CHRM3: variants seen among roughly 807,000 people sequenced by gnomAD.
The protein encoded by CHRM3 is muscarinic acetylcholine receptor M3.
In CHRM3, 11 loss-of-function variants were observed where a neutral mutation model predicts 41.8. That is an observed-to-expected ratio of 0.26 (90% CI 0.17 to 0.44). CHRM3 has a LOEUF of 0.44. CHRM3 is among the 20% of genes least tolerant of loss of function. The probability of loss-of-function intolerance (pLI) is 1.00; values close to 1 mark genes in which losing one functional copy is unlikely to be tolerated. For missense variants in CHRM3, 571 were observed against 745.4 expected, an observed-to-expected ratio of 0.77 and a Z score of 2.72; for synonymous variants, 297 against 301.4, an observed-to-expected ratio of 0.99 and a Z score of 0.15.
intron 6 of CHRM3, among the ~76,000 whole-genome samples, chr1:239,864,800 A>C (rs1392267800): frequency 6.6e-6 from 1 of 152,122 alleles, no homozygotes; most frequent in Non-Finnish European, 1.5e-5. Flanking sequence ...TGTGTAAATT[A>C]AACTATTTTG....
At chr1:239,674,553 C>A (rs1044064076) in intron 4 of CHRM3, among the ~76,000 whole-genome samples, 1 of 151,346 alleles carries the variant, frequency 6.6e-6, no homozygotes, top group Non-Finnish European at 1.5e-5. Context: ...ACTGAAAATA[C>A]AAAAAAATTA....
In CHRM3 at chr1:239,473,869, CAA is replaced by C. The variant is rs34470819; in HGVS notation, c.-520-18830_-520-18829del. On this transcript the variant is annotated intron_variant, in intron 1 of 6. Transcript: ENST00000676153. ...GTATACACAGAGTTGTAGTAAATTT[CAA>C]AAAAAAAAATGCCTGAGAAAGGTAA... is the stretch of plus-strand genomic sequence containing the variant. Among the ~76,000 whole-genome samples, 5 of 142,930 alleles carry C rather than the reference CAA, an allele frequency of 3.5e-5. 1 individual carries two copies. The highest frequency in any genetic ancestry group is 1.3e-4 in the African/African-American group (5 of 38,754). 93.8% of individuals were successfully genotyped at this position (142,930 alleles called of 152,430 possible).
At chr1:239,906,369 G>T (rs768123804) in intron 6 of CHRM3, among the ~76,000 whole-genome samples, 8 of 152,110 alleles carry the variant, frequency 5.3e-5, no homozygotes, top group Non-Finnish European at 8.8e-5. Flanking sequence ...TTTTTGCTGG[G>T]ATGATCAAAC....
At chr1:239,562,936 T>A (rs1163812743) in intron 3 of CHRM3, among the ~76,000 whole-genome samples, 1 of 150,482 alleles carries the variant, frequency 6.6e-6, no homozygotes, top group East Asian at 1.9e-4. Flanking sequence ...ACAGGACTTA[T>A]GTTTTTCACC....
rs147216389 is a variant in CHRM3, at chr1:239,713,090, G to A, written c.-147+34802G>A. ...CCCGGGCACAATCTGCTTCTGCAAA[G>A]ACTGTGTCAACGTACTTCATGGGCA... On this transcript the variant is annotated intron_variant, in intron 5 of 6. Coordinates refer to ENST00000676153, the MANE Select transcript of CHRM3 (RefSeq NM_001375978.1). 1.9e-4 allele frequency among the ~76,000 whole-genome samples: 29 copies of A among 152,270 alleles called. No individual in the cohort carries two copies. In the East Asian group the frequency reaches 3.9e-3, roughly 20 times the overall value.
At chr1:239,683,453 A>G (rs961278047) in intron 5 of CHRM3, among the ~76,000 whole-genome samples, 2 of 151,858 alleles carry the variant, frequency 1.3e-5, no homozygotes, top group Non-Finnish European at 3.0e-5. Flanking sequence ...AAAATAGCTA[A>G]TACTTTTATT....
At chr1:239,629,322 C>T (rs546710168) in intron 3 of CHRM3, 3 of 126,808 alleles carry the variant, frequency 2.4e-5, no homozygotes, top group South Asian at 2.7e-4. Context: ...TGACCCCTTG[C>T]GCTTCCCAGG....
intron 5 of CHRM3, among the ~76,000 whole-genome samples, chr1:239,765,160 TA>T (rs1667102256): frequency 6.6e-6 from 1 of 152,206 alleles, no homozygotes; most frequent in Admixed American, 6.5e-5. Flanking sequence ...GAGATGGCAC[TA>T]GGGGTGCCAC....
At chr1:239,797,339 C>A (rs1384034804) in intron 5 of CHRM3, among the ~76,000 whole-genome samples, 2 of 151,676 alleles carry the variant, frequency 1.3e-5, no homozygotes, top group Non-Finnish European at 2.9e-5. Flanking sequence ...ACATGTACCC[C>A]TGACTCTAAA....
At chr1:239,734,573 C>T (rs541319107) in intron 5 of CHRM3, among the ~76,000 whole-genome samples, 101 of 151,956 alleles carry the variant, frequency 6.6e-4, no homozygotes, top group Non-Finnish European at 7.1e-4. Context: ...TCAGGCTGTA[C>T]CAAGTAATTG....
intron 4 of CHRM3, among the ~76,000 whole-genome samples, chr1:239,668,441 T>C (rs891616731): frequency 2.6e-5 from 4 of 152,160 alleles, no homozygotes; most frequent in Non-Finnish European, 5.9e-5. Context: ...CCTCTTTTCC[T>C]TTAATGTTTA....
At chr1:239,605,750 T>G (rs1201838320) in intron 3 of CHRM3, among the ~76,000 whole-genome samples, 1 of 152,160 alleles carries the variant, frequency 6.6e-6, no homozygotes, top group Non-Finnish European at 1.5e-5. Flanking sequence ...TAAGATAACT[T>G]AAGTTTATGG....
chr1:239,494,671 T>C (rs540457399), intron 2 of CHRM3, among the ~76,000 whole-genome samples: 1 of 152,210 alleles, frequency 6.6e-6, no homozygotes, highest in South Asian at 2.1e-4. Flanking sequence ...CCAGCATGCA[T>C]TAGTTCTTTT....
intron 5 of CHRM3, among the ~76,000 whole-genome samples, chr1:239,808,642 T>C (rs1262000690): frequency 2.0e-5 from 3 of 152,206 alleles, no homozygotes; most frequent in Non-Finnish European, 2.9e-5. Context: ...CCGCTTCCTA[T>C]AACTAGAAGT....
At chr1:239,692,501 A>G (rs1659814253) in intron 5 of CHRM3, among the ~76,000 whole-genome samples, 2 of 152,210 alleles carry the variant, frequency 1.3e-5, no homozygotes, top group African/African-American at 4.8e-5. Flanking sequence ...AAGGACCACA[A>G]GGTAATCCTG....
chr1:239,550,910 T>C (rs939678207), intron 3 of CHRM3, among the ~76,000 whole-genome samples: 5 of 152,064 alleles, frequency 3.3e-5, no homozygotes, highest in African/African-American at 4.8e-5. Context: ...TTTTAAATAG[T>C]TCTTAAGGTT....
chr1:239,639,045 C>G (rs9661898), intron 4 of CHRM3, among the ~76,000 whole-genome samples: 51,839 of 151,076 alleles, frequency 0.34, 9,086 homozygotes, highest in African/African-American at 0.41. Context: ...GCTTGTTTTT[C>G]TCAGGTTTGT....
chr1:239,498,123 A>G (rs1668001404), intron 2 of CHRM3, among the ~76,000 whole-genome samples: 1 of 152,188 alleles, frequency 6.6e-6, no homozygotes, highest in Admixed American at 6.6e-5. Context: ...TGACAGTCAA[A>G]GACAGATATT....
chr1:239,862,759 A>T (rs1382134106), intron 6 of CHRM3, among the ~76,000 whole-genome samples: 1 of 152,192 alleles, frequency 6.6e-6, no homozygotes, highest in Non-Finnish European at 1.5e-5. Flanking sequence ...AATCACCTAA[A>T]ATACAGCCTA....
Sources: gnomAD v4.1 joint callset for allele counts (sites outside exome capture counted in the v4.1 genomes callset) on GRCh38, gnomAD v4.1.1 for gene constraint, MANE v1.5 for transcripts, NCBI Gene and HGNC (gene_info 2026-07-23, HGNC 2026-07-21) for gene names.